The following SLC27A2 variants were observed in gnomAD, a reference collection of about 807,000 sequenced individuals.
SLC27A2 encodes the protein solute carrier family 27 member 2.
A neutral mutation model predicts 60.0 loss-of-function variants in SLC27A2; 54 were observed. The observed-to-expected ratio is 0.90, with a 90% CI of 0.72 to 1.13. SLC27A2 has a LOEUF of 1.13. Ranked by LOEUF, SLC27A2 falls within the 50% of genes most tolerant of loss-of-function variation. SLC27A2 has a pLI of 0.00. For missense variants in SLC27A2, 739 were observed against 777.6 expected (o/e 0.95, Z 0.59); for synonymous variants, 297 against 297.6 (o/e 1.00, Z 0.02).
At chr15:50,214,854 C>T (rs1394690907) in intron 4 of SLC27A2, among the ~76,000 whole-genome samples, 1 of 152,154 alleles carries the variant, frequency 6.6e-6, no homozygotes, top group Non-Finnish European at 1.5e-5. Context: ...CCACTGCCAA[C>T]ATAATACTGA....
chr15:50,227,247 G>C, intron 7 of SLC27A2, 69 bp downstream of exon 7: 1 of 1,192,074 alleles, frequency 8.4e-7, no homozygotes, highest in Non-Finnish European at 1.2e-6. Context: ...TAGTGGAATC[G>C]CATTCCACTT....
At chr15:50,198,905 C>G (rs1336548162) in intron 2 of SLC27A2, among the ~76,000 whole-genome samples, 1 of 152,134 alleles carries the variant, frequency 6.6e-6, no homozygotes, top group East Asian at 1.9e-4. Flanking sequence ...GCTCACAGTT[C>G]CTGGACCTGA....
chr15:50,212,164 T>C (rs2045163031), intron 4 of SLC27A2, among the ~76,000 whole-genome samples: 1 of 149,948 alleles, frequency 6.7e-6, no homozygotes, highest in Non-Finnish European at 1.5e-5. Context: ...CTCTGGAAAG[T>C]CTCAGCAATA....
At position 50,182,541 on chromosome 15, in the gene SLC27A2, C is replaced by T. The variant is rs762499016; in HGVS notation, c.114C>T (p.Ala38=). The change falls in exon 1 of 10, where the codon GCC becomes GCT. Residue 38 remains alanine (A), a synonymous_variant. Transcript: ENST00000267842. ...TAGGCTACTTCTTGAAGGTGGCCGC[C>T]GTGGGCCGGAGGGTGCGCAGCTACG... ...QDIGYFLKVA[A]VGRRVRSYGK... The T allele has an allele frequency of 1.9e-6, 3 of 1,612,870 alleles. No homozygotes were observed. The highest frequency in any genetic ancestry group is 1.1e-5 in the South Asian group (1 of 90,970).
chr15:50,189,037 A>AGATAGATG (rs1287603618), intron 1 of SLC27A2, among the ~76,000 whole-genome samples: 9 of 143,210 alleles, frequency 6.3e-5, no homozygotes, highest in African/African-American at 2.4e-4. Context: ...ATGCATACAA[A>AGATAGATG]CATACATACA....
chr15:50,182,259 A>C lies in SLC27A2; in HGVS notation c.-169A>C. 2 of 1,068,792 alleles carry C rather than the reference A, an allele frequency of 1.9e-6. No individual in the cohort carries two copies. The highest frequency in any genetic ancestry group is 2.4e-6 in the Non-Finnish European group (2 of 828,516). 66.2% of individuals were successfully genotyped at this position (1,068,792 alleles called of 1,614,324 possible). On this transcript the variant is annotated 5_prime_UTR_variant, in exon 1 of 10. Coordinates refer to ENST00000267842, the MANE Select transcript of SLC27A2 (RefSeq NM_003645.4). ...CACCTGCTCCGGAGCCCGCGGCGGT[A>C]CCTGCAGCGGAGGAGCTCTGTCTTC...
rs1595692476 is a variant in SLC27A2 at position 50,227,159 on chromosome 15, A to G, written c.1438A>G (p.Arg480Gly). 4.3e-6 allele frequency: 7 copies of G among 1,613,926 alleles called. 2 individuals carry two copies. The Admixed American group carries it at 1.2e-4, about 27-fold the overall frequency. ...TGAAAATTTCATCTATTTCCACGAC[A>G]GAGTTGGAGATACATTCCGGTTGGT... Reference protein sequence around the residue: ...DHENFIYFHDRVGDTFRWKGE... With the variant: ...DHENFIYFHDGVGDTFRWKGE... Residue 480 changes from arginine to glycine, a missense_variant, in exon 7 of 10, where the codon AGA (arginine) becomes GGA (glycine). Transcript: ENST00000267842.
chr15:50,202,926 T>C (rs1347539295), intron 3 of SLC27A2, among the ~76,000 whole-genome samples: 1 of 151,766 alleles, frequency 6.6e-6, no homozygotes, highest in Non-Finnish European at 1.5e-5. Flanking sequence ...ACACCTGTAT[T>C]CCCAGCACTT....
intron 1 of SLC27A2, among the ~76,000 whole-genome samples, chr15:50,194,506 C>T (rs558208362): frequency 6.6e-6 from 1 of 152,074 alleles, no homozygotes; most frequent in African/African-American, 2.4e-5. Context: ...CCGGTCCTCC[C>T]GAATAAGGAG....
At chr15:50,212,352 A>T (rs1408259993) in intron 4 of SLC27A2, among the ~76,000 whole-genome samples, 2 of 152,224 alleles carry the variant, frequency 1.3e-5, no homozygotes, top group Non-Finnish European at 2.9e-5. Context: ...GACAATTCTA[A>T]ACACTTGAAA....
chr15:50,182,984 G>C, intron 1 of SLC27A2, 79 bp downstream of exon 1: 1 of 1,394,730 alleles, frequency 7.2e-7, no homozygotes, highest in East Asian at 2.3e-5. Flanking sequence ...TGGCATAAGG[G>C]GTTCGCAGAG....
chr15:50,199,634 C>A (rs1032007144), intron 2 of SLC27A2, among the ~76,000 whole-genome samples: 1 of 151,988 alleles, frequency 6.6e-6, no homozygotes, highest in African/African-American at 2.4e-5. Flanking sequence ...TTCTCTGAAT[C>A]AAATATTTGC....
chr15:50,225,310 C>A (rs1361256737), intron 5 of SLC27A2, among the ~76,000 whole-genome samples: 2 of 152,078 alleles, frequency 1.3e-5, no homozygotes, highest in African/African-American at 4.8e-5. Flanking sequence ...ATTGCTCTTA[C>A]TGAATTGCTG....
At chr15:50,183,901 A>C (rs1011853175) in intron 1 of SLC27A2, among the ~76,000 whole-genome samples, 7 of 147,976 alleles carry the variant, frequency 4.7e-5, no homozygotes, top group African/African-American at 1.5e-4. Flanking sequence ...CACTATCCCC[A>C]CCACCACCAC....
chr15:50,197,237 C>T (rs1376401212), intron 1 of SLC27A2, among the ~76,000 whole-genome samples: 1 of 152,026 alleles, frequency 6.6e-6, no homozygotes, highest in Non-Finnish European at 1.5e-5. Flanking sequence ...GTGGCTCATG[C>T]CTGTAATCCC....
At chr15:50,216,610 G>A (rs868482520) in intron 4 of SLC27A2, among the ~76,000 whole-genome samples, 1 of 66,492 alleles carries the variant, frequency 1.5e-5, no homozygotes, top group African/African-American at 5.5e-5. Flanking sequence ...GTGTGTGTGT[G>A]TATATATATA....
rs149588368 is a variant in SLC27A2, at chr15:50,184,328, T to C, written c.478+1423T>C. 3.4e-4 allele frequency among the ~76,000 whole-genome samples: 52 copies of C among 152,158 alleles called. 1 individual carries two copies. The East Asian group carries it at 8.3e-3, about 24-fold the overall frequency. ...ATCTTATTGTTTTCCTCTGCATGGA[T>C]GTAAACTGTTAAGTGTGCTGGAAGG... On this transcript the variant is annotated intron_variant, in intron 1 of 9. Transcript: ENST00000267842.
chr15:50,222,717 CAT>C (rs1199604127), intron 4 of SLC27A2, among the ~76,000 whole-genome samples: 1 of 152,194 alleles, frequency 6.6e-6, no homozygotes, highest in Non-Finnish European at 1.5e-5. Flanking sequence ...GGAGAATTCA[CAT>C]GTTTTGGTTG....
chr15:50,229,186 G>A, intron 8 of SLC27A2, 144 bp downstream of exon 8: 1 of 587,252 alleles, frequency 1.7e-6, no homozygotes, highest in Non-Finnish European at 3.0e-6. Context: ...GCTTATGTCT[G>A]GCTTATGTTC....
Sources: gnomAD v4.1 joint callset for allele counts (sites outside exome capture counted in the v4.1 genomes callset) on GRCh38, gnomAD v4.1.1 for gene constraint, MANE v1.5 for transcripts, NCBI Gene and HGNC (gene_info 2026-07-23, HGNC 2026-07-21) for gene names.